ROBO1: variants seen among roughly 807,000 people sequenced by gnomAD.
ROBO1 encodes the protein roundabout homolog 1.
In ROBO1, 149 loss-of-function variants were observed where a neutral mutation model predicts 195.9. That is an observed-to-expected ratio of 0.76 (90% CI 0.67 to 0.87). The LOEUF is 0.87. Ranked by LOEUF, ROBO1 falls within the 40% of genes least tolerant of loss-of-function variation. ROBO1 has a pLI of 0.00. For synonymous variants in ROBO1, 816 were observed against 733.2 expected (o/e 1.11, Z -1.82); for missense variants, 1,933 against 2,068.3 (o/e 0.93, Z 1.27).
At chr3:79,127,777 T>C (rs376172659) in intron 2 of ROBO1, among the ~76,000 whole-genome samples, 13 of 152,186 alleles carry the variant, frequency 8.5e-5, no homozygotes, top group African/African-American at 2.7e-4. Context: ...TCCACCTGCA[T>C]GTAACCTATC....
intron 2 of ROBO1, among the ~76,000 whole-genome samples, chr3:79,576,458 C>T (rs1943488014): frequency 6.6e-6 from 1 of 151,954 alleles, no homozygotes; most frequent in Admixed American, 6.6e-5. Context: ...ATATACAGGA[C>T]ATTGTATTAG....
chr3:79,469,198 T>G (rs907537920), intron 2 of ROBO1, among the ~76,000 whole-genome samples: 1 of 152,120 alleles, frequency 6.6e-6, no homozygotes, highest in Non-Finnish European at 1.5e-5. Context: ...TTAGAAAGAC[T>G]AAAGAGTGAG....
intron 2 of ROBO1, among the ~76,000 whole-genome samples, chr3:79,292,645 T>C (rs1335962531): frequency 6.6e-6 from 1 of 152,236 alleles, no homozygotes; most frequent in Non-Finnish European, 1.5e-5. Context: ...ACGTGTTTTT[T>C]TCCTTTGGTT....
intron 2 of ROBO1, among the ~76,000 whole-genome samples, chr3:79,337,648 T>C (rs1433906075): frequency 6.6e-6 from 1 of 152,212 alleles, no homozygotes; most frequent in Non-Finnish European, 1.5e-5. Flanking sequence ...ACCTTACTCA[T>C]ACTTTCTCAC....
chr3:79,592,200 C>T (rs1944018524), intron 1 of ROBO1, among the ~76,000 whole-genome samples: 1 of 151,770 alleles, frequency 6.6e-6, no homozygotes, highest in Admixed American at 6.6e-5. Flanking sequence ...ACAGCCTAAT[C>T]AAACATGCAC....
intron 4 of ROBO1, among the ~76,000 whole-genome samples, chr3:78,786,856 G>T (rs1429091040): frequency 6.6e-6 from 1 of 152,090 alleles, no homozygotes; most frequent in Non-Finnish European, 1.5e-5. Flanking sequence ...GTATGAAAAT[G>T]GACTAATACA....
At chr3:79,727,353 T>G (rs2107331112) in intron 1 of ROBO1, among the ~76,000 whole-genome samples, 1 of 152,248 alleles carries the variant, frequency 6.6e-6, no homozygotes, top group African/African-American at 2.4e-5. Context: ...ATTAATTTTG[T>G]AGAATTTTCA....
chr3:78,779,594 A>C (rs2083611571), intron 4 of ROBO1, among the ~76,000 whole-genome samples: 1 of 152,202 alleles, frequency 6.6e-6, no homozygotes, highest in Non-Finnish European at 1.5e-5. Flanking sequence ...GTTCATTCAA[A>C]AGTCAGGAAA....
chr3:79,725,250 G>A (rs1329881887), intron 1 of ROBO1, among the ~76,000 whole-genome samples: 3 of 112,708 alleles, frequency 2.7e-5, no homozygotes, highest in Non-Finnish European at 5.2e-5. Context: ...TTTTTGAGAC[G>A]GAGTCTCGCT....
intron 1 of ROBO1, among the ~76,000 whole-genome samples, chr3:79,732,986 C>T (rs1425698082): frequency 6.6e-6 from 1 of 152,106 alleles, no homozygotes; most frequent in Non-Finnish European, 1.5e-5. Context: ...TTTCCGAAAC[C>T]CAAATTATCA....
intron 2 of ROBO1, among the ~76,000 whole-genome samples, chr3:79,357,638 G>T (rs2035608492): frequency 6.6e-6 from 1 of 152,118 alleles, no homozygotes; most frequent in Admixed American, 6.6e-5. Context: ...TCTACCACAA[G>T]TCTGGTTGTA....
At chr3:78,691,411 A>G (rs2107859288) in intron 8 of ROBO1, among the ~76,000 whole-genome samples, 1 of 152,266 alleles carries the variant, frequency 6.6e-6, no homozygotes. Context: ...AGCTACCCAC[A>G]ATTCTGCCAT....
At chr3:79,055,816 A>T (rs1278315944) in intron 3 of ROBO1, among the ~76,000 whole-genome samples, 1 of 151,992 alleles carries the variant, frequency 6.6e-6, no homozygotes, top group Non-Finnish European at 1.5e-5. Context: ...ATGCCTCCTG[A>T]TCATATCCCT....
chr3:79,016,741 A>T (rs1433495182), intron 3 of ROBO1, among the ~76,000 whole-genome samples: 2 of 152,194 alleles, frequency 1.3e-5, no homozygotes, highest in African/African-American at 4.8e-5. Flanking sequence ...ATCTTCAGTA[A>T]TCTGCCCCTC....
chr3:79,344,362 A>G (rs1037373447), intron 2 of ROBO1, among the ~76,000 whole-genome samples: 4 of 152,176 alleles, frequency 2.6e-5, no homozygotes, highest in African/African-American at 9.7e-5. Context: ...ATATGCTAAC[A>G]GTCCTATCGT....
At chr3:79,028,090 T>C (rs1025668012) in intron 3 of ROBO1, among the ~76,000 whole-genome samples, 3 of 152,064 alleles carry the variant, frequency 2.0e-5, no homozygotes, top group African/African-American at 7.2e-5. Flanking sequence ...CTAAAAGTAG[T>C]ATGGCTGATA....
At chr3:78,760,012 A>C (rs2083054295) in intron 4 of ROBO1, among the ~76,000 whole-genome samples, 1 of 152,248 alleles carries the variant, frequency 6.6e-6, no homozygotes, top group Admixed American at 6.5e-5. Context: ...GGAGGAACCC[A>C]GTGGGAGATA....
intron 3 of ROBO1, among the ~76,000 whole-genome samples, chr3:79,110,163 G>T (rs996372815): frequency 1.3e-5 from 2 of 152,092 alleles, no homozygotes; most frequent in Non-Finnish European, 2.9e-5. Flanking sequence ...GATTATATGA[G>T]ATGATGCCAA....
At chr3:78,870,711 G>A (rs566980049) in intron 4 of ROBO1, among the ~76,000 whole-genome samples, 71 of 152,280 alleles carry the variant, frequency 4.7e-4, no homozygotes, top group Middle Eastern at 3.4e-3. Flanking sequence ...GAAAATTGCT[G>A]AGCCAATCAG....
Sources: gnomAD v4.1 joint callset for allele counts (sites outside exome capture counted in the v4.1 genomes callset) on GRCh38, gnomAD v4.1.1 for gene constraint, MANE v1.5 for transcripts, NCBI Gene and HGNC (gene_info 2026-07-23, HGNC 2026-07-21) for gene names.